MACROD2: variants seen among roughly 807,000 people sequenced by gnomAD.
MACROD2 encodes ADP-ribose glycohydrolase MACROD2.
A neutral mutation model predicts 70.4 loss-of-function variants in MACROD2; 36 were observed. The ratio of observed to expected loss-of-function variants is 0.51; its 90% confidence interval spans 0.39 to 0.68. The LOEUF (loss-of-function observed/expected upper bound fraction) is 0.68, where lower values mean the gene tolerates loss of function less well. Among genes scored for constraint, MACROD2 ranks in the 30% least tolerant of loss-of-function variants. MACROD2 has a pLI of 0.00. For synonymous variants in MACROD2, 172 were observed against 178.8 expected (o/e 0.96, Z 0.30); for missense variants, 496 against 538.4 (o/e 0.92, Z 0.78).
At chr20:14,662,478 C>T (rs891339609) in intron 4 of MACROD2, among the ~76,000 whole-genome samples, 6 of 151,946 alleles carry the variant, frequency 3.9e-5, no homozygotes, top group African/African-American at 1.4e-4. Flanking sequence ...AAAAGCAACA[C>T]TTGACAAATG....
At chr20:15,570,673 C>T (rs544178821) in intron 8 of MACROD2, among the ~76,000 whole-genome samples, 2 of 152,096 alleles carry the variant, frequency 1.3e-5, no homozygotes, top group Non-Finnish European at 2.9e-5. Flanking sequence ...TACATGTTGG[C>T]CCTAGCTTTA....
intron 5 of MACROD2, among the ~76,000 whole-genome samples, chr20:14,871,994 C>T (rs544410458): frequency 1.3e-5 from 2 of 152,082 alleles, no homozygotes; most frequent in East Asian, 1.9e-4. Context: ...TATATGCACC[C>T]GACACAGTAG....
At chr20:15,407,911 G>A (rs556192012) in intron 6 of MACROD2, among the ~76,000 whole-genome samples, 1 of 152,252 alleles carries the variant, frequency 6.6e-6, no homozygotes, top group Non-Finnish European at 1.5e-5. Flanking sequence ...AAAGAGACAT[G>A]GAGTGATTTC....
chr20:14,911,215 A>G (rs1359734646), intron 5 of MACROD2, among the ~76,000 whole-genome samples: 1 of 152,170 alleles, frequency 6.6e-6, no homozygotes, highest in Non-Finnish European at 1.5e-5. Context: ...AACTTCTAGG[A>G]ATACATAGTT....
At chr20:14,910,033 C>G (rs1341271798) in intron 5 of MACROD2, among the ~76,000 whole-genome samples, 1 of 152,148 alleles carries the variant, frequency 6.6e-6, no homozygotes, top group South Asian at 2.1e-4. Context: ...ACTCACTTAG[C>G]CTCATCAAAG....
intron 2 of MACROD2, among the ~76,000 whole-genome samples, chr20:14,079,647 A>C (rs750934334): frequency 6.6e-6 from 1 of 152,210 alleles, no homozygotes; most frequent in Non-Finnish European, 1.5e-5. Flanking sequence ...GTTCAATAAG[A>C]TTCTGTCTTC....
At chr20:14,235,326 CTATT>C (rs1196736936) in intron 3 of MACROD2, among the ~76,000 whole-genome samples, 1 of 152,082 alleles carries the variant, frequency 6.6e-6, no homozygotes, top group Non-Finnish European at 1.5e-5. Flanking sequence ...ATAATGACAT[CTATT>C]TTTCACACAC....
intron 3 of MACROD2, among the ~76,000 whole-genome samples, chr20:14,343,420 A>T (rs796413880): frequency 2.1e-4 from 32 of 152,246 alleles, no homozygotes; most frequent in African/African-American, 7.2e-4. Context: ...ATTTCCTATT[A>T]TGGACTTCAA....
chr20:15,330,771 G>C (rs1187568734), intron 6 of MACROD2, among the ~76,000 whole-genome samples: 1 of 151,606 alleles, frequency 6.6e-6, no homozygotes, highest in African/African-American at 2.4e-5. Context: ...GGGCTGTTAA[G>C]TCATTCTCTA....
chr20:14,807,627 G>A (rs1286970789), intron 5 of MACROD2, among the ~76,000 whole-genome samples: 2 of 152,078 alleles, frequency 1.3e-5, no homozygotes, highest in Admixed American at 6.6e-5. Flanking sequence ...CAGAAGGTGA[G>A]TAATAACAAA....
chr20:15,389,960 C>A (rs1361653520), intron 6 of MACROD2, among the ~76,000 whole-genome samples: 3 of 152,014 alleles, frequency 2.0e-5, no homozygotes, highest in Non-Finnish European at 4.4e-5. Flanking sequence ...GACCAGGGAA[C>A]CTTGAGGTTC....
At chr20:15,119,430 A>G (rs1429801310) in intron 5 of MACROD2, among the ~76,000 whole-genome samples, 1 of 152,216 alleles carries the variant, frequency 6.6e-6, no homozygotes, top group Admixed American at 6.5e-5. Context: ...AGGTGCAAAC[A>G]GGGCTGTGAT....
At chr20:15,067,931 G>A (rs185849465) in intron 5 of MACROD2, among the ~76,000 whole-genome samples, 45 of 152,234 alleles carry the variant, frequency 3.0e-4, no homozygotes, top group Non-Finnish European at 5.4e-4. Flanking sequence ...ATCTCATTTT[G>A]TTCACATAGA....
intron 8 of MACROD2, among the ~76,000 whole-genome samples, chr20:15,856,686 T>G (rs1325992786): frequency 1.3e-5 from 2 of 152,198 alleles, no homozygotes; most frequent in Non-Finnish European, 2.9e-5. Context: ...CTTCATGAGG[T>G]TCCAGTTTAA....
intron 4 of MACROD2, among the ~76,000 whole-genome samples, chr20:14,676,897 C>T (rs1024171961): frequency 6.6e-6 from 1 of 152,114 alleles, no homozygotes; most frequent in Non-Finnish European, 1.5e-5. Flanking sequence ...CACCACTGAT[C>T]CCATAGAAAT....
chr20:15,351,533 G>T (rs1402624406), intron 6 of MACROD2, among the ~76,000 whole-genome samples: 1 of 152,114 alleles, frequency 6.6e-6, no homozygotes, highest in Non-Finnish European at 1.5e-5. Flanking sequence ...TCCTGTTTGA[G>T]ATCTCCCAGG....
intron 15 of MACROD2, among the ~76,000 whole-genome samples, chr20:15,999,314 T>G (rs140987022): frequency 3.9e-4 from 59 of 152,330 alleles, no homozygotes; most frequent in African/African-American, 1.4e-3. Flanking sequence ...CCTGTTATTG[T>G]TTTTTAGTTT....
At chr20:15,949,253 A>T (rs909362687) in intron 12 of MACROD2, among the ~76,000 whole-genome samples, 3 of 152,182 alleles carry the variant, frequency 2.0e-5, no homozygotes, top group Non-Finnish European at 4.4e-5. Flanking sequence ...AGCTTCTCAA[A>T]CATAGTAAAC....
At position 14,713,959 on chromosome 20, in the gene MACROD2, G is replaced by T. The variant is rs1455420612; in HGVS notation, c.418+29000G>T. Among the ~76,000 whole-genome samples, 3 of 152,252 alleles carry T rather than the reference G, an allele frequency of 2.0e-5. No homozygotes were observed. In the East Asian group the frequency reaches 5.8e-4, roughly 29 times the overall value. On this transcript the variant is annotated intron_variant, in intron 5 of 17. Coordinates refer to ENST00000684519, the MANE Select transcript of MACROD2 (RefSeq NM_001351661.2). ...GACAGGGAGAACAGAGGTGGGAGATGAATTCAGGCCTTAACAAAAGTGTAA... is the reference window on the plus strand; with the variant it reads ...GACAGGGAGAACAGAGGTGGGAGATTAATTCAGGCCTTAACAAAAGTGTAA...
Sources: gnomAD v4.1 joint callset for allele counts (sites outside exome capture counted in the v4.1 genomes callset) on GRCh38, gnomAD v4.1.1 for gene constraint, MANE v1.5 for transcripts, NCBI Gene and HGNC (gene_info 2026-07-23, HGNC 2026-07-21) for gene names.